Variants in PARP14 observed in about 807,000 individuals in gnomAD.
PARP14 encodes the protein protein mono-ADP-ribosyltransferase PARP14.
A neutral mutation model predicts 154.2 loss-of-function variants in PARP14; 59 were observed. That is an observed-to-expected ratio of 0.38 (90% CI 0.31 to 0.48). The LOEUF (loss-of-function observed/expected upper bound fraction) is 0.48. Among genes scored for constraint, PARP14 ranks in the 20% least tolerant of loss-of-function variants. The pLI is 0.98. For missense variants in PARP14, 1,734 were observed against 2,131.6 expected (o/e 0.81, Z 3.67); for synonymous variants, 720 against 780.5 (o/e 0.92, Z 1.29).
chr3:122,689,949 T>TTGCA lies in PARP14; in HGVS notation c.356-2351_356-2348dup, dbSNP rs555605499. Among the ~76,000 whole-genome samples, 13 of 152,368 alleles carry TTGCA rather than the reference T, an allele frequency of 8.5e-5. No individual in the cohort carries two copies. In the East Asian group the frequency reaches 2.5e-3, roughly 29 times the overall value. ...CTGTTTTCTAAATTGTCTGATGCAG[T>TTGCA]TGCAGCACTCTGCCTGTGCTTCTGT... is the stretch of plus-strand genomic sequence containing the variant. On this transcript the variant is annotated intron_variant, in intron 3 of 16. Transcript: ENST00000474629.
At chr3:122,723,870 T>A (rs1025904550) in intron 15 of PARP14, among the ~76,000 whole-genome samples, 2 of 152,242 alleles carry the variant, frequency 1.3e-5, no homozygotes, top group African/African-American at 4.8e-5. Flanking sequence ...TTGCAGGATG[T>A]TGATTTTCTA....
At chr3:122,715,644 A>G (rs1316041993) in intron 12 of PARP14, among the ~76,000 whole-genome samples, 3 of 147,852 alleles carry the variant, frequency 2.0e-5, no homozygotes, top group African/African-American at 7.5e-5. Context: ...CTATCTATCT[A>G]TCTATCTATC....
intron 12 of PARP14, among the ~76,000 whole-genome samples, chr3:122,716,044 A>G (rs1468621947): frequency 1.3e-5 from 2 of 152,152 alleles, no homozygotes; most frequent in Non-Finnish European, 2.9e-5. Flanking sequence ...ACCTATCTTT[A>G]TCACCACCTG....
In PARP14 at chr3:122,700,538, T is replaced by C; in HGVS notation, c.1984T>C (p.Phe662Leu). The C allele has an allele frequency of 6.3e-7, 1 of 1,597,530 alleles. No homozygotes were observed. Among genetic ancestry groups the C allele is most frequent in the Non-Finnish European group, 8.5e-7 (1 of 1,171,128 alleles). The change falls in exon 6 of 17, where the codon TTT becomes CTT. Residue 662 changes from phenylalanine to leucine, a missense_variant. Physicochemically the swap from Phe to Leu is conservative, Grantham distance 22. This residue lies in a region of PARP14 where 1,646 missense variants were observed against 1,976.0 expected (regional missense o/e 0.83). Transcript: ENST00000474629. ...AGTAAATGAAACCTATAAATTGCTT[T>C]TTAACTTCGTTGAACAAAACATGAA... is the stretch of plus-strand genomic sequence containing the variant. ...KEVNETYKLLFNFVEQNMKIE... is the reference protein window; with the variant it reads ...KEVNETYKLLLNFVEQNMKIE...
At chr3:122,687,432 G>C (rs1221567594) in intron 3 of PARP14, among the ~76,000 whole-genome samples, 1 of 152,240 alleles carries the variant, frequency 6.6e-6, no homozygotes, top group Non-Finnish European at 1.5e-5. Context: ...GCCAGCCATA[G>C]AGAAGCAAGG....
Position 122,681,572 on chromosome 3 carries a change from A to G in PARP14, c.187+502A>G, listed in dbSNP as rs868696959. Reference sequence around the variant, plus strand: ...AGGGGCAGAGGCGCTACCTAAAATCACACTGCCTGAATGTCAACGTAGAGC... The same window carrying G: ...AGGGGCAGAGGCGCTACCTAAAATCGCACTGCCTGAATGTCAACGTAGAGC... On this transcript the variant is annotated intron_variant, in intron 1 of 16. Transcript: ENST00000474629. This position sits in a 1 kb window ranked among gnomAD's most constrained non-coding sequence, Gnocchi z 5.5. Among the ~76,000 whole-genome samples, 6 of 152,214 alleles carry G rather than the reference A, an allele frequency of 3.9e-5. No individual in the cohort carries two copies. The highest frequency in any genetic ancestry group is 1.3e-4 in the Admixed American group (2 of 15,298).
In PARP14 at chr3:122,705,983, A is replaced by G. The variant is rs574470165; in HGVS notation, c.3540+1235A>G. Among the ~76,000 whole-genome samples, 3 of 152,338 alleles carry G rather than the reference A, an allele frequency of 2.0e-5. No individual in the cohort carries two copies. In the South Asian group the frequency reaches 6.2e-4, roughly 32 times the overall value. On this transcript the variant is annotated intron_variant, in intron 8 of 16. Coordinates refer to ENST00000474629, the MANE Select transcript of PARP14 (RefSeq NM_017554.3). ...AACAGGACGAATAGGAATAGCACAT[A>G]CTTTCCCTCCTATAAATCACAATTA...
At chr3:122,694,769 C>T (rs183371638) in intron 4 of PARP14, among the ~76,000 whole-genome samples, 42 of 152,172 alleles carry the variant, frequency 2.8e-4, no homozygotes, top group Admixed American at 2.4e-3. Context: ...ATCCGCCTGC[C>T]TTGGCTTCCC....
intron 15 of PARP14, chr3:122,722,516 A>G (rs1006079341): frequency 5.3e-5 from 8 of 152,198 alleles, no homozygotes; most frequent in Non-Finnish European, 8.8e-5. Flanking sequence ...CAGAGAATTG[A>G]TTTCAACACT....
chr3:122,714,392 A>T lies in PARP14; in HGVS notation c.3963A>T (p.Lys1321Asn), dbSNP rs1560076877. The change falls in exon 12 of 17, where the codon AAA becomes AAT. Residue 1321 changes from lysine (K) to asparagine (N), a missense_variant. Lys to Asn is a moderately conservative substitution (Grantham distance 94). Coordinates refer to ENST00000474629, the MANE Select transcript of PARP14 (RefSeq NM_017554.3). The part of the protein sequence containing the change: ...VSSVLQECEK[K>N]NYSSICLPAI... ...CTGTTTTGCAGGAGTGTGAAAAAAA[A>T]AATTACTCATCCATTTGCCTCCCAG... 2 of 1,583,510 alleles carry T rather than the reference A, an allele frequency of 1.3e-6. No homozygotes were observed. Among genetic ancestry groups the T allele is most frequent in the Non-Finnish European group, 1.7e-6 (2 of 1,170,588 alleles).
intron 9 of PARP14, among the ~76,000 whole-genome samples, chr3:122,709,727 G>A (rs1939263470): frequency 6.6e-6 from 1 of 152,022 alleles, no homozygotes; most frequent in South Asian, 2.1e-4. Context: ...TTAAGTTATG[G>A]CCATTCTTGC....
intron 5 of PARP14, 43 bp downstream of exon 5, chr3:122,695,705 T>C: frequency 1.1e-6 from 1 of 876,814 alleles, no homozygotes; most frequent in Non-Finnish European, 1.9e-6. Context: ...ATCTAGGCCA[T>C]TATTAGCAGA....
chr3:122,711,562 T>C (rs1049738094), intron 9 of PARP14, among the ~76,000 whole-genome samples: 5 of 152,152 alleles, frequency 3.3e-5, no homozygotes, highest in African/African-American at 1.2e-4. Flanking sequence ...TGTTGTATCC[T>C]TTCTTGGATT....
chr3:122,692,263 T>C, intron 3 of PARP14, 38 bp from the exon 4 acceptor site: 1 of 1,578,458 alleles, frequency 6.3e-7, no homozygotes, highest in Non-Finnish European at 8.6e-7. Context: ...GGTAGATAAG[T>C]ATAACATCTT....
intron 12 of PARP14, among the ~76,000 whole-genome samples, chr3:122,715,340 T>A (rs1049378357): frequency 1.3e-5 from 2 of 152,154 alleles, no homozygotes; most frequent in Non-Finnish European, 2.9e-5. Flanking sequence ...TATGCTGGCA[T>A]TCTAGGCTTT....
chr3:122,727,879 A>T lies in PARP14; in HGVS notation c.5009A>T (p.Lys1670Met). ...GCAAAGAAAAAAACTATGGATGCCA[A>T]GAATGGCCAGACAATGAATGAGAAG... is the stretch of plus-strand genomic sequence containing the variant. ...YQAKKKTMDA[K>M]NGQTMNEKQL... The change falls in exon 16 of 17, where the codon AAG becomes ATG. Residue 1670 changes from lysine (K) to methionine (M), a missense_variant. Physicochemically the swap from Lys to Met is moderately conservative, Grantham distance 95. This residue lies in a region of PARP14 where 1,646 missense variants were observed against 1,976.0 expected (regional missense o/e 0.83). Coordinates refer to ENST00000474629, the MANE Select transcript of PARP14 (RefSeq NM_017554.3). The T allele has an allele frequency of 1.2e-6, 2 of 1,613,600 alleles. No homozygotes were observed. Among genetic ancestry groups the T allele is most frequent in the Non-Finnish European group, 1.7e-6 (2 of 1,179,490 alleles).
chr3:122,698,943 T>C (rs1373150068), intron 5 of PARP14, among the ~76,000 whole-genome samples: 1 of 152,216 alleles, frequency 6.6e-6, no homozygotes, highest in East Asian at 1.9e-4. Flanking sequence ...GCAAACATTA[T>C]TCTCACGATT....
intron 5 of PARP14, among the ~76,000 whole-genome samples, chr3:122,696,729 A>G (rs1414261030): frequency 6.6e-6 from 1 of 152,048 alleles, no homozygotes; most frequent in Non-Finnish European, 1.5e-5. Flanking sequence ...CACATATACA[A>G]CTAATGTTAA....
chr3:122,698,546 A>T (rs960098393), intron 5 of PARP14, among the ~76,000 whole-genome samples: 3 of 152,174 alleles, frequency 2.0e-5, no homozygotes, highest in South Asian at 2.1e-4. Flanking sequence ...GAGGGGCAAG[A>T]GGATGGGCGT....
Sources: allele counts gnomAD v4.1 joint callset (sites outside exome capture counted in the v4.1 genomes callset), GRCh38; gene constraint gnomAD v4.1.1; regional missense constraint gnomAD v4.1.1; non-coding constraint Gnocchi (gnomAD v3.1); transcripts MANE v1.5; gene names NCBI Gene and HGNC (gene_info 2026-07-23, HGNC 2026-07-21).